The following DPP10 variants were observed in gnomAD, a reference collection of about 807,000 sequenced individuals.
The protein encoded by DPP10 is inactive dipeptidyl peptidase 10.
Under a neutral mutation model 120.9 loss-of-function variants are expected in DPP10, and 33 were observed. That is an observed-to-expected ratio of 0.27 (90% CI 0.21 to 0.37). The LOEUF is 0.37. Ranked by LOEUF, DPP10 falls within the 10% of genes least tolerant of loss-of-function variation. The probability of loss-of-function intolerance (pLI) is 1.00; values close to 1 mark genes in which losing one functional copy is unlikely to be tolerated. For missense variants in DPP10, 816 were observed against 942.8 expected (o/e 0.87, Z 1.76); for synonymous variants, 337 against 326.1 (o/e 1.03, Z -0.36).
intron 3 of DPP10, among the ~76,000 whole-genome samples, chr2:115,397,458 T>C (rs1370365296): frequency 3.3e-5 from 5 of 152,200 alleles, no homozygotes; most frequent in Non-Finnish European, 1.5e-5. Flanking sequence ...GCCATAGTCA[T>C]ATTATTATAA....
At chr2:114,603,167 C>T (rs1692508930) in intron 1 of DPP10, among the ~76,000 whole-genome samples, 1 of 152,018 alleles carries the variant, frequency 6.6e-6, no homozygotes, top group South Asian at 2.1e-4. Context: ...ATGATTTCCA[C>T]TTGTTTCAAT....
At chr2:114,480,128 G>T (rs1345590188) in intron 1 of DPP10, among the ~76,000 whole-genome samples, 2 of 152,092 alleles carry the variant, frequency 1.3e-5, no homozygotes, top group Non-Finnish European at 2.9e-5. Context: ...CTGGCCATCA[G>T]AGAAATGCAA....
intron 1 of DPP10, among the ~76,000 whole-genome samples, chr2:114,831,374 A>G (rs1234578640): frequency 1.3e-5 from 2 of 152,188 alleles, no homozygotes; most frequent in African/African-American, 4.8e-5. Flanking sequence ...ACATTTATGA[A>G]CAGAACCCCC....
chr2:114,723,331 T>C (rs1701827611), intron 1 of DPP10, among the ~76,000 whole-genome samples: 1 of 152,106 alleles, frequency 6.6e-6, no homozygotes, highest in Non-Finnish European at 1.5e-5. Context: ...ATAAGCACTG[T>C]GGGATGTCTA....
At chr2:115,218,816 T>C (rs569107223) in intron 1 of DPP10, among the ~76,000 whole-genome samples, 1 of 152,258 alleles carries the variant, frequency 6.6e-6, no homozygotes, top group Non-Finnish European at 1.5e-5. Context: ...TGACCATAAT[T>C]TGAACAGAAA....
At position 114,720,868 on chromosome 2, in the gene DPP10, C is replaced by T. The variant is rs554251838; in HGVS notation, c.60+278030C>T. 2.6e-5 allele frequency among the ~76,000 whole-genome samples: 4 copies of T among 152,296 alleles called. No individual in the cohort carries two copies. In the South Asian group the frequency reaches 6.2e-4, roughly 24 times the overall value. On this transcript the variant is annotated intron_variant, in intron 1 of 25. Transcript: ENST00000410059. ...GGCCTGGCAACCCATTCACATTCTC[C>T]ACCTATCACAGTGATTCTGAAAGGT... is the stretch of plus-strand genomic sequence containing the variant.
At chr2:115,804,064 A>G (rs1253607719) in intron 19 of DPP10, among the ~76,000 whole-genome samples, 1 of 152,104 alleles carries the variant, frequency 6.6e-6, no homozygotes, top group African/African-American at 2.4e-5. Context: ...ACTTTCAGGT[A>G]CACCAATCAG....
At chr2:115,599,642 C>T (rs560444535) in intron 5 of DPP10, among the ~76,000 whole-genome samples, 2 of 152,222 alleles carry the variant, frequency 1.3e-5, no homozygotes, top group South Asian at 4.2e-4. Context: ...TGATTGGCAT[C>T]TGTTCATTAT....
intron 1 of DPP10, among the ~76,000 whole-genome samples, chr2:115,308,390 G>A (rs906087565): frequency 4.6e-5 from 7 of 151,904 alleles, no homozygotes; most frequent in African/African-American, 1.7e-4. Flanking sequence ...AAATGGAGTA[G>A]GAAGAAAAAA....
chr2:114,916,928 T>C (rs575545191), intron 1 of DPP10, among the ~76,000 whole-genome samples: 41 of 152,306 alleles, frequency 2.7e-4, no homozygotes, highest in African/African-American at 9.9e-4. Flanking sequence ...ATGCCCACGC[T>C]GACCATTTCT....
At chr2:115,014,054 C>A (rs1346951212) in intron 1 of DPP10, among the ~76,000 whole-genome samples, 2 of 152,130 alleles carry the variant, frequency 1.3e-5, no homozygotes, top group Non-Finnish European at 2.9e-5. Context: ...CTTCTGAGCA[C>A]CACATCACAC....
rs370583120 is a variant in DPP10, at chr2:114,834,729, G to A, written c.60+391891G>A. On this transcript the variant is annotated intron_variant, in intron 1 of 25. Coordinates refer to ENST00000410059, the MANE Select transcript of DPP10 (RefSeq NM_020868.6). ...ACACACCTATGTATATATAAGCCAT[G>A]TCTACGCACCTATGTATATATAAGC... 1.6e-3 allele frequency among the ~76,000 whole-genome samples: 103 copies of A among 66,126 alleles called. 14 individuals carry two copies. The highest frequency in any genetic ancestry group is 0.016 in the Middle Eastern group (1 of 64). The allele number at this position is 66,126 out of a possible 152,430, so 43.4% of individuals were successfully genotyped here.
chr2:115,607,055 G>T (rs2083748970), intron 5 of DPP10, among the ~76,000 whole-genome samples: 1 of 152,100 alleles, frequency 6.6e-6, no homozygotes, highest in South Asian at 2.1e-4. Flanking sequence ...ATCCTAGGAA[G>T]AAAAACCAAA....
At chr2:114,592,958 T>C (rs900051745) in intron 1 of DPP10, among the ~76,000 whole-genome samples, 9 of 152,206 alleles carry the variant, frequency 5.9e-5, no homozygotes, top group African/African-American at 1.7e-4. Context: ...CTTTTTGTGA[T>C]TGGTTTATTT....
chr2:114,656,484 CTATTT>C (rs1696976918), intron 1 of DPP10, among the ~76,000 whole-genome samples: 1 of 152,094 alleles, frequency 6.6e-6, no homozygotes, highest in South Asian at 2.1e-4. Context: ...TAGAAGTAAA[CTATTT>C]TATAACAGTA....
intron 7 of DPP10, among the ~76,000 whole-genome samples, chr2:115,720,342 T>C (rs2092615022): frequency 6.6e-6 from 1 of 152,136 alleles, no homozygotes; most frequent in Non-Finnish European, 1.5e-5. Flanking sequence ...AATTTATACA[T>C]CAAGATTTTA....
intron 1 of DPP10, among the ~76,000 whole-genome samples, chr2:114,663,234 C>T (rs989399068): frequency 7.2e-6 from 1 of 138,916 alleles, no homozygotes; most frequent in African/African-American, 2.5e-5. Flanking sequence ...ATATTAAGAG[C>T]CTTGTGTGTG....
chr2:115,154,354 A>G (rs1216127667), intron 1 of DPP10, among the ~76,000 whole-genome samples: 1 of 152,194 alleles, frequency 6.6e-6, no homozygotes, highest in Admixed American at 6.5e-5. Flanking sequence ...TAAGCAGTAG[A>G]AAATTCCATG....
intron 3 of DPP10, among the ~76,000 whole-genome samples, chr2:115,392,186 C>T (rs528194394): frequency 6.6e-6 from 1 of 150,964 alleles, no homozygotes; most frequent in East Asian, 2.0e-4. Context: ...TATTTTTATG[C>T]TTTTTTTTTG....
Sources: allele counts gnomAD v4.1 joint callset (sites outside exome capture counted in the v4.1 genomes callset), GRCh38; gene constraint gnomAD v4.1.1; transcripts MANE v1.5; gene names NCBI Gene and HGNC (gene_info 2026-07-23, HGNC 2026-07-21).